The following TOP2A variants were observed in gnomAD, a reference collection of about 807,000 sequenced individuals.
TOP2A encodes DNA topoisomerase II alpha.
A neutral mutation model predicts 187.2 loss-of-function variants in TOP2A; 68 were observed. The ratio of observed to expected loss-of-function variants is 0.36; its 90% CI spans 0.30 to 0.44. The LOEUF is 0.44. Among genes scored for constraint, TOP2A ranks in the 20% least tolerant of loss-of-function variants. TOP2A has a pLI of 1.00. For synonymous variants in TOP2A, 542 were observed against 593.2 expected (o/e 0.91, Z 1.25); for missense variants, 1,196 against 1,808.7 (o/e 0.66, Z 6.14).
Position 40,411,826 on chromosome 17 carries a change from G to A in TOP2A, c.790-8C>T, listed in dbSNP as rs1458747051. ...ACTACGAAATCCTTTTACCTGTACA[G>A]GAATTAAAGGTAACAGTATTAAGAA... On this transcript the variant is annotated splice_polypyrimidine_tract_variant and splice_region_variant and intron_variant, in intron 7 of 34. Coordinates refer to ENST00000423485, the MANE Select transcript of TOP2A (RefSeq NM_001067.4). This position sits in a 1 kb window ranked among gnomAD's most constrained non-coding sequence, Gnocchi z 4.4. 2 of 1,567,660 alleles carry A rather than the reference G, an allele frequency of 1.3e-6. No homozygotes were observed. The highest frequency in any genetic ancestry group is 2.8e-5 in the African/African-American group (2 of 72,512).
chr17:40,395,376 A>ATG (rs1244695144), intron 29 of TOP2A, 73 bp downstream of exon 29: 3 of 898,366 alleles, frequency 3.3e-6, no homozygotes, highest in Non-Finnish European at 5.0e-6. Flanking sequence ...TTGAACATCT[A>ATG]TGTGGAATGT....
At chr17:40,415,760 A>G (rs2035382465) in intron 4 of TOP2A, among the ~76,000 whole-genome samples, 1 of 152,212 alleles carries the variant, frequency 6.6e-6, no homozygotes, top group Admixed American at 6.5e-5. Context: ...CAGCCCAGGC[A>G]AAATAGCAAG....
intron 27 of TOP2A, among the ~76,000 whole-genome samples, chr17:40,397,756 C>A (rs1222110620): frequency 1.3e-5 from 2 of 151,632 alleles, no homozygotes; most frequent in African/African-American, 4.8e-5. Flanking sequence ...CTCCTGGTAT[C>A]ATTTACTGTA....
chr17:40,394,367 C>T (rs553019244), intron 29 of TOP2A, among the ~76,000 whole-genome samples: 1 of 152,302 alleles, frequency 6.6e-6, no homozygotes, highest in East Asian at 1.9e-4. Context: ...GAGTCTTGCT[C>T]TGTCACCCAG....
intron 4 of TOP2A, among the ~76,000 whole-genome samples, chr17:40,415,057 C>CTTTT (rs199613504): frequency 7.1e-6 from 1 of 141,044 alleles, no homozygotes; most frequent in Non-Finnish European, 1.6e-5. Flanking sequence ...ATTAGCTCAA[C>CTTTT]TTTTTTTTTT....
intron 10 of TOP2A, chr17:40,409,465 GA>G (rs1567789080): frequency 2.2e-6 from 1 of 449,268 alleles, no homozygotes; most frequent in Non-Finnish European, 4.5e-6. Context: ...ACACAACATA[GA>G]AGACAGACAT....
chr17:40,401,648 G>A (rs1033233707), intron 20 of TOP2A, among the ~76,000 whole-genome samples: 2 of 152,064 alleles, frequency 1.3e-5, no homozygotes, highest in Non-Finnish European at 2.9e-5. Flanking sequence ...GGCAGAGGTT[G>A]CAATGAGCCG....
At position 40,392,641 on chromosome 17, in the gene TOP2A, C is replaced by T. The variant is rs749913740; in HGVS notation, c.3908G>A (p.Ser1303Asn). The T allele has an allele frequency of 4.3e-6, 7 of 1,613,570 alleles. No homozygotes were observed. In the South Asian group the frequency reaches 5.5e-5, roughly 13 times the overall value. The stretch of plus-strand genomic sequence containing the variant: ...AGGGACATCAAAATTACTTTCGTCA[C>T]TGCTCCTATCTGATTCTGAATCAGA... ...PWSDSESDRSSDESNFDVPPR... is the reference protein window; with the variant it reads ...PWSDSESDRSNDESNFDVPPR... The change falls in exon 30 of 35, where the codon AGT becomes AAT. Residue 1303 changes from serine to asparagine, a missense_variant. This residue lies in a region of TOP2A where 374 missense variants were observed against 403.3 expected (regional missense o/e 0.93). Transcript: ENST00000423485.
In TOP2A at chr17:40,412,829, A is replaced by T; in HGVS notation, c.719T>A (p.Val240Asp). The T allele has an allele frequency of 1.2e-6, 2 of 1,613,994 alleles. No individual in the cohort carries two copies. The highest frequency in any genetic ancestry group is 2.2e-5 in the South Asian group (2 of 91,080). Residue 240 changes from valine to aspartate, a missense_variant, in exon 7 of 35, where the codon GTC becomes GAC. Transcript: ENST00000423485. ...TCCAGCAATATCATATGCTCTTCTG[A>T]CCATTAGTGCAACAATATCTTTGTC... The part of the protein sequence containing the change: ...SLDKDIVALM[V>D]RRAYDIAGST...
At chr17:40,417,625 C>T (rs2035408647) in intron 1 of TOP2A, 146 bp downstream of exon 1, 6 of 1,503,686 alleles carry the variant, frequency 4.0e-6, no homozygotes, top group Non-Finnish European at 5.3e-6. Context: ...TCTCCACGAT[C>T]ACCCCGGAAC....
At chr17:40,405,449 C>T (rs1410069743) in intron 16 of TOP2A, among the ~76,000 whole-genome samples, 3 of 129,074 alleles carry the variant, frequency 2.3e-5, no homozygotes, top group African/African-American at 8.8e-5. Context: ...CTGCGCCCGA[C>T]CTTTTTTGTT....
chr17:40,397,122 T>A (rs1438390828), intron 27 of TOP2A, among the ~76,000 whole-genome samples: 1 of 152,010 alleles, frequency 6.6e-6, no homozygotes, highest in Non-Finnish European at 1.5e-5. Context: ...TAATCTCAAG[T>A]GATCCTCCTG....
chr17:40,406,790 G>A (rs901807919), intron 14 of TOP2A, 42 bp downstream of exon 14: 1 of 1,578,904 alleles, frequency 6.3e-7, no homozygotes, highest in Non-Finnish European at 8.7e-7. Context: ...TTGAGGAGTA[G>A]GGTCTTAAAA....
Position 40,416,800 on chromosome 17 carries a change from T to C in TOP2A, c.117A>G (p.Gln39=), listed in dbSNP as rs763795665. The C allele has an allele frequency of 9.1e-5, 147 of 1,613,382 alleles. No homozygotes were observed. The highest frequency in any genetic ancestry group is 1.2e-4 in the Non-Finnish European group (142 of 1,179,768). The change falls in exon 2 of 35, where the codon CAA becomes CAG. Residue 39 remains glutamine, a synonymous_variant. Coordinates refer to ENST00000423485, the MANE Select transcript of TOP2A (RefSeq NM_001067.4). ...CTGGGCGGAGCAAAATATGTTCCAA[T>C]TGTGTTTTCTTTTGATAGATTCTTT... ...SVERIYQKKT[Q]LEHILLRPDT...
chr17:40,403,527 T>C (rs1489482293), intron 19 of TOP2A, among the ~76,000 whole-genome samples: 1 of 152,212 alleles, frequency 6.6e-6, no homozygotes, highest in Non-Finnish European at 1.5e-5. Flanking sequence ...ATATTTTGAT[T>C]GAAAGCAACA....
chr17:40,406,421 T>C lies in TOP2A; in HGVS notation c.1916A>G (p.Lys639Arg). ...AGCATCATCTTCAGGACCAGAATAT[T>C]TGAACTGGATACGATGTCTTTTCAT... ...ADMKRHRIQF[K>R]YSGPEDDAAI... Residue 639 changes from lysine to arginine, a missense_variant, in exon 16 of 35, where the codon AAA becomes AGA. Physicochemically the swap from Lys to Arg is conservative, Grantham distance 26. Coordinates refer to ENST00000423485, the MANE Select transcript of TOP2A (RefSeq NM_001067.4). The C allele has an allele frequency of 1.2e-6, 2 of 1,613,616 alleles. No homozygotes were observed. The highest frequency in any genetic ancestry group is 1.1e-5 in the South Asian group (1 of 91,064).
chr17:40,400,134 A>G, intron 23 of TOP2A, 67 bp from the exon 24 acceptor site: 2 of 1,583,048 alleles, frequency 1.3e-6, no homozygotes, highest in Non-Finnish European at 1.7e-6. Flanking sequence ...AAGGTAGACT[A>G]AGATATACTT....
chr17:40,406,616 T>A lies in TOP2A; in HGVS notation c.1811A>T (p.Asn604Ile), dbSNP rs916922324. 19 of 1,611,978 alleles carry A rather than the reference T, an allele frequency of 1.2e-5. No homozygotes were observed. The highest frequency in any genetic ancestry group is 1.5e-5 in the Non-Finnish European group (18 of 1,179,454). Reference protein sequence around the residue: ...EFEEWKSSTPNHKKWKVKYYK... With the variant: ...EFEEWKSSTPIHKKWKVKYYK... ...ATATTTGACTTTCCATTTTTTATGA[T>A]TTGGAGTAGAACTCTTCCACTCTTC... Residue 604 changes from asparagine (N) to isoleucine (I), a missense_variant, in exon 15 of 35, where the codon AAT becomes ATT. Transcript: ENST00000423485.
intron 19 of TOP2A, 75 bp from the exon 20 acceptor site, chr17:40,403,129 T>A: frequency 7.4e-7 from 1 of 1,355,848 alleles, no homozygotes; most frequent in East Asian, 2.6e-5. Flanking sequence ...CTCACTATAA[T>A]CCTGTAACAT....
Sources: gnomAD v4.1 joint callset for allele counts (sites outside exome capture counted in the v4.1 genomes callset) on GRCh38, gnomAD v4.1.1 for gene constraint, gnomAD v4.1.1 regional missense constraint, Gnocchi (gnomAD v3.1) non-coding constraint, MANE v1.5 for transcripts, NCBI Gene and HGNC (gene_info 2026-07-23, HGNC 2026-07-21) for gene names.